The following FYN variants were observed in gnomAD, a reference collection of about 807,000 sequenced individuals.
FYN encodes the protein tyrosine-protein kinase Fyn.
In FYN, 10 loss-of-function variants were observed where a neutral mutation model predicts 70.2. The ratio of observed to expected loss-of-function variants is 0.14; its 90% CI spans 0.09 to 0.24. FYN has a LOEUF of 0.24. Ranked by LOEUF, FYN falls within the 10% of genes least tolerant of loss-of-function variation. FYN has a pLI of 1.00. For missense variants in FYN, 319 were observed against 673.1 expected (o/e 0.47, Z 5.82); for synonymous variants, 236 against 248.6 (o/e 0.95, Z 0.48).
intron 1 of FYN, among the ~76,000 whole-genome samples, chr6:111,856,516 GATAAT>G (rs1233547531): frequency 6.6e-6 from 1 of 152,058 alleles, no homozygotes; most frequent in African/African-American, 2.4e-5. Context: ...ATAAAACTCA[GATAAT>G]ATAAGATTTT....
At chr6:111,743,765 A>G (rs1327217535) in intron 3 of FYN, among the ~76,000 whole-genome samples, 1 of 152,228 alleles carries the variant, frequency 6.6e-6, no homozygotes, top group African/African-American at 2.4e-5. Flanking sequence ...ACAATTATGA[A>G]TATGTTTAAG....
chr6:111,861,487 GA>G (rs1773961013), intron 1 of FYN, among the ~76,000 whole-genome samples: 1 of 152,038 alleles, frequency 6.6e-6, no homozygotes, highest in African/African-American at 2.4e-5. Context: ...GTTAAGCAAG[GA>G]AAAAAAATCC....
At chr6:111,714,499 C>T in intron 4 of FYN, 56 bp from the exon 5 acceptor site, 1 of 1,222,814 alleles carries the variant, frequency 8.2e-7, no homozygotes, top group Non-Finnish European at 1.2e-6. Flanking sequence ...AAATTAATTC[C>T]AAGAAATTAA....
At chr6:111,816,740 T>C (rs1451609921) in intron 2 of FYN, among the ~76,000 whole-genome samples, 1 of 152,212 alleles carries the variant, frequency 6.6e-6, no homozygotes, top group Non-Finnish European at 1.5e-5. Flanking sequence ...AGGCAATAAA[T>C]ACAGATCAAA....
chr6:111,753,300 C>T (rs1218679559), intron 3 of FYN, among the ~76,000 whole-genome samples: 1 of 152,074 alleles, frequency 6.6e-6, no homozygotes, highest in Non-Finnish European at 1.5e-5. Context: ...TCCAAAAAGG[C>T]CTCTCATAAT....
chr6:111,689,217 C>T (rs183685700), intron 12 of FYN, among the ~76,000 whole-genome samples: 9 of 152,270 alleles, frequency 5.9e-5, no homozygotes, highest in Non-Finnish European at 1.0e-4. Context: ...AAGTAACTGG[C>T]CTGCGGACAC....
chr6:111,698,876 A>C (rs535023201), intron 9 of FYN, among the ~76,000 whole-genome samples: 2 of 152,216 alleles, frequency 1.3e-5, no homozygotes, highest in South Asian at 4.2e-4. Context: ...CCAGGTCAGG[A>C]GATCGAGACC....
intron 12 of FYN, among the ~76,000 whole-genome samples, chr6:111,674,917 AT>A (rs1457607630): frequency 1.3e-5 from 2 of 152,184 alleles, no homozygotes; most frequent in Non-Finnish European, 2.9e-5. Context: ...TAACTTTGAA[AT>A]AATGCTATGT....
At chr6:111,837,845 C>G (rs1773236899) in intron 2 of FYN, among the ~76,000 whole-genome samples, 1 of 152,210 alleles carries the variant, frequency 6.6e-6, no homozygotes, top group Non-Finnish European at 1.5e-5. Flanking sequence ...AACCATCTCA[C>G]TTTCTCATGG....
intron 2 of FYN, among the ~76,000 whole-genome samples, chr6:111,843,276 C>CAAA (rs1471830580): frequency 6.6e-6 from 1 of 152,212 alleles, no homozygotes; most frequent in East Asian, 1.9e-4. Context: ...TTATTTTAAT[C>CAAA]AAATCCTTTT....
At chr6:111,667,492 G>A (rs1011681158) in intron 13 of FYN, among the ~76,000 whole-genome samples, 2 of 151,840 alleles carry the variant, frequency 1.3e-5, no homozygotes, top group African/African-American at 2.4e-5. Flanking sequence ...GGCCTCAAGC[G>A]ATCCTCCCTG....
intron 3 of FYN, among the ~76,000 whole-genome samples, chr6:111,778,358 C>T (rs1771033456): frequency 6.6e-6 from 1 of 152,128 alleles, no homozygotes; most frequent in Admixed American, 6.5e-5. Flanking sequence ...ATAGGTGATT[C>T]AATAAATACT....
chr6:111,767,645 C>T (rs902091708), intron 3 of FYN, among the ~76,000 whole-genome samples: 1 of 152,156 alleles, frequency 6.6e-6, no homozygotes, highest in Admixed American at 6.5e-5. Context: ...TGTGATCCAC[C>T]CACCTTGGCC....
intron 2 of FYN, among the ~76,000 whole-genome samples, chr6:111,783,629 T>C (rs771290479): frequency 3.9e-5 from 6 of 152,236 alleles, no homozygotes; most frequent in African/African-American, 9.6e-5. Context: ...GACTATTGTA[T>C]GACTCCCGGT....
At chr6:111,869,663 G>T (rs1774213330) in intron 1 of FYN, among the ~76,000 whole-genome samples, 1 of 152,222 alleles carries the variant, frequency 6.6e-6, no homozygotes, top group African/African-American at 2.4e-5. Flanking sequence ...CAAAGTGCTG[G>T]GATTACAGGC....
chr6:111,674,646 T>C lies in FYN; in HGVS notation c.1274-16A>G, dbSNP rs1380086557. ...AACTTTGCACCTGCAGAATGAACAC[T>C]TGGTTATTCATCAGGCAGAGGGCAC... On this transcript the variant is annotated splice_polypyrimidine_tract_variant and intron_variant, in intron 12 of 13. Transcript: ENST00000354650. The C allele has an allele frequency of 1.2e-6, 2 of 1,611,126 alleles. No homozygotes were observed. The highest frequency in any genetic ancestry group is 2.7e-5 in the African/African-American group (2 of 74,808).
At chr6:111,739,869 G>A (rs1305298229) in intron 3 of FYN, among the ~76,000 whole-genome samples, 1 of 152,170 alleles carries the variant, frequency 6.6e-6, no homozygotes, top group African/African-American at 2.4e-5. Flanking sequence ...TGTCGCCCAG[G>A]CTGGAACCCA....
chr6:111,704,501 C>T (rs1405909575), intron 6 of FYN, among the ~76,000 whole-genome samples: 2 of 152,212 alleles, frequency 1.3e-5, no homozygotes, highest in African/African-American at 4.8e-5. Flanking sequence ...TACCTGTAAT[C>T]CCAGCACTTT....
At chr6:111,782,589 A>C in intron 2 of FYN, among the ~76,000 whole-genome samples, 1 of 152,198 alleles carries the variant, frequency 6.6e-6, no homozygotes, top group Admixed American at 6.5e-5. Flanking sequence ...TCACCTGGGA[A>C]CAGACTAGCT....
Sources: allele counts gnomAD v4.1 joint callset (sites outside exome capture counted in the v4.1 genomes callset), GRCh38; gene constraint gnomAD v4.1.1; transcripts MANE v1.5; gene names NCBI Gene and HGNC (gene_info 2026-07-23, HGNC 2026-07-21).